The following OAT variants were observed in gnomAD, a reference collection of about 807,000 sequenced individuals.
OAT encodes ornithine aminotransferase, mitochondrial.
OAT carries 35 observed loss-of-function variants against 48.4 expected under a neutral mutation model. The ratio of observed to expected loss-of-function variants is 0.72; its 90% confidence interval spans 0.55 to 0.96. OAT has a LOEUF of 0.96. OAT is among the 40% of genes least tolerant of loss of function. The probability of loss-of-function intolerance (pLI) is 0.00; values close to 1 mark genes in which losing one functional copy is unlikely to be tolerated. For missense variants in OAT, 438 were observed against 537.9 expected (o/e 0.81, Z 1.84); for synonymous variants, 182 against 198.4 (o/e 0.92, Z 0.70).
intron 4 of OAT, among the ~76,000 whole-genome samples, 199 bp downstream of exon 4, chr10:124,408,328 TATATATATATATATA>T (rs1214300810): frequency 2.6e-5 from 2 of 76,994 alleles, no homozygotes; most frequent in African/African-American, 1.3e-4. Flanking sequence ...TATATATATA[TATATATATATATATA>T]TTTTTTTTTT....
At chr10:124,411,642 C>A (rs1183558738) in intron 2 of OAT, among the ~76,000 whole-genome samples, 1 of 151,908 alleles carries the variant, frequency 6.6e-6, no homozygotes, top group Non-Finnish European at 1.5e-5. Flanking sequence ...ATGGTGAAAC[C>A]CCATCTCTAC....
chr10:124,403,827 C>G lies in OAT; in HGVS notation c.742G>C (p.Gly248Arg). 1 of 1,614,126 alleles carries G rather than the reference C, an allele frequency of 6.2e-7. No homozygotes were observed. The highest frequency in any genetic ancestry group is 8.5e-7 in the Non-Finnish European group (1 of 1,180,002). ...VVVPDPGYLMGVRELCTRHQV... is the reference protein window; with the variant it reads ...VVVPDPGYLMRVRELCTRHQV... ...TGCCTGGTGCAGAGCTCTCGCACTC[C>G]CATTAGGTAACCTGGATCCGGAACA... Residue 248 changes from glycine (G) to arginine (R), a missense_variant, in exon 6 of 10, where the codon GGA (glycine) becomes CGA (arginine). Physicochemically the swap from Gly to Arg is moderately radical, Grantham distance 125 (BLOSUM62 -2). Coordinates refer to ENST00000368845, the MANE Select transcript of OAT (RefSeq NM_000274.4).
At chr10:124,408,313 GTGTGTATATATATA>G (rs1458369321) in intron 4 of OAT, among the ~76,000 whole-genome samples, 1 of 60,930 alleles carries the variant, frequency 1.6e-5, no homozygotes, top group African/African-American at 8.3e-5. Flanking sequence ...GTGTGTGTGT[GTGTGTATATATATA>G]TATATATATA....
rs185123140 is a variant in OAT, at chr10:124,401,716, C to G, written c.1014+10G>C. 12 of 1,562,284 alleles carry G rather than the reference C, an allele frequency of 7.7e-6. No individual in the cohort carries two copies. In the East Asian group the frequency reaches 1.8e-4, roughly 23 times the overall value. On this transcript the variant is annotated intron_variant, in intron 8 of 9. Coordinates refer to ENST00000368845, the MANE Select transcript of OAT (RefSeq NM_000274.4). ...AAGAATAGACACTGTGTGGCTGTAT[C>G]AGTCTTTACCTCAAGGGCTGCGATG... is the stretch of plus-strand genomic sequence containing the variant.
At chr10:124,416,472 T>C (rs1453176662) in intron 1 of OAT, among the ~76,000 whole-genome samples, 2 of 152,146 alleles carry the variant, frequency 1.3e-5, no homozygotes, top group Non-Finnish European at 1.5e-5. Flanking sequence ...CCTTCAAAGG[T>C]CAAAATAATG....
intron 9 of OAT, among the ~76,000 whole-genome samples, chr10:124,399,033 A>G (rs1473192581): frequency 6.6e-6 from 1 of 151,864 alleles, no homozygotes; most frequent in Non-Finnish European, 1.5e-5. Flanking sequence ...GCACTGTCTC[A>G]AAAAATAAAA....
intron 9 of OAT, among the ~76,000 whole-genome samples, chr10:124,400,480 G>A (rs977231487): frequency 4.7e-5 from 7 of 149,714 alleles, no homozygotes; most frequent in Non-Finnish European, 8.9e-5. Flanking sequence ...GTGGCCGGGC[G>A]CGGTGGGCTC....
In OAT at chr10:124,408,746, T is replaced by A; in HGVS notation, c.419A>T (p.Asn140Ile). Residue 140 changes from asparagine to isoleucine, a missense_variant, in exon 3 of 10, where the codon AAT becomes ATT. By Grantham distance (149) the Asn-to-Ile change is moderately radical (BLOSUM62 -3). Coordinates refer to ENST00000368845, the MANE Select transcript of OAT (RefSeq NM_000274.4). Reference protein sequence around the residue: ...LFNYHKVLPMNTGVEAGETAC... With the variant: ...LFNYHKVLPMITGVEAGETAC... ...AAAAAAAGGAAATGTTTTACCTGTA[T>A]TCATAGGAAGAACTTTGTGGTAGTT... 1.2e-6 allele frequency: 2 copies of A among 1,602,076 alleles called. No individual in the cohort carries two copies.
At chr10:124,404,548 A>G (rs1260395231) in intron 5 of OAT, among the ~76,000 whole-genome samples, 1 of 151,572 alleles carries the variant, frequency 6.6e-6, no homozygotes, top group Non-Finnish European at 1.5e-5. Context: ...CGGCCTCCCA[A>G]AGTGCTGCGA....
chr10:124,398,011 C>T lies in OAT; in HGVS notation c.1251G>A (p.Pro417=), dbSNP rs570318690. The T allele has an allele frequency of 5.6e-5, 90 of 1,613,874 alleles. No homozygotes were observed. Among genetic ancestry groups the T allele is most frequent in the Non-Finnish European group, 7.3e-5 (86 of 1,179,938 alleles). Residue 417 remains proline, a synonymous_variant, in exon 10 of 10, where the codon CCG becomes CCA. Transcript: ENST00000368845. ...GAAGCTCATCCTCCTTGATCACCAG[C>T]GGAGGCGCAAACCTGATAATGTCGC... is the stretch of plus-strand genomic sequence containing the variant. The part of the protein sequence containing the change: ...THGDIIRFAP[P]LVIKEDELRE...
rs386833617 is a variant in OAT, at chr10:124,403,821, G to T, written c.748C>A (p.Arg250=). 1 of 1,614,056 alleles carries T rather than the reference G, an allele frequency of 6.2e-7. No homozygotes were observed. The highest frequency in any genetic ancestry group is 8.5e-7 in the Non-Finnish European group (1 of 1,179,952). The stretch of plus-strand genomic sequence containing the variant: ...ACCTGGTGCCTGGTGCAGAGCTCTC[G>T]CACTCCCATTAGGTAACCTGGATCC... ...VPDPGYLMGV[R]ELCTRHQVLF... is the part of the protein sequence containing the mutation. The change falls in exon 6 of 10, where the codon CGA becomes AGA. Residue 250 remains arginine (R), a synonymous_variant. Transcript: ENST00000368845.
Position 124,398,077 on chromosome 10 carries a change from T to C in OAT, c.1185A>G (p.Leu395=), listed in dbSNP as rs759555612. Residue 395 remains leucine, a synonymous_variant, in exon 10 of 10, where the codon CTA becomes CTG. Coordinates refer to ENST00000368845, the MANE Select transcript of OAT (RefSeq NM_000274.4). ...TKDWDAWKVC[L]RLRDNGLLAK... ...CCAGAAGTCCATTATCTCGAAGTCG[T>C]AGACACACCTTCCAAGCATCCCAAT... 2 of 1,614,058 alleles carry C rather than the reference T, an allele frequency of 1.2e-6. No individual in the cohort carries two copies. Among genetic ancestry groups the C allele is most frequent in the Admixed American group, 1.7e-5 (1 of 60,016 alleles).
chr10:124,415,074 TAAAAAAAAAAAAA>T (rs75952005), intron 1 of OAT: 10 of 16,854 alleles, frequency 5.9e-4, no homozygotes, highest in East Asian at 1.9e-3. Context: ...TACAAAGCGC[TAAAAAAAAAAAAA>T]AAAAAAAAAA....
In OAT at chr10:124,405,501, C is replaced by G; in HGVS notation, c.583G>C (p.Asp195His). 6.2e-7 allele frequency: 1 copy of G among 1,614,128 alleles called. No individual in the cohort carries two copies. The highest frequency in any genetic ancestry group is 1.1e-5 in the South Asian group (1 of 91,088). Residue 195 changes from aspartate (D) to histidine (H), a missense_variant, in exon 5 of 10, where the codon GAT becomes CAT. Transcript: ENST00000368845. Reference protein sequence around the residue: ...ISSSTDPTSYDGFGPFMPGFD... With the variant: ...ISSSTDPTSYHGFGPFMPGFD... ...CCCGGCATAAATGGTCCAAAACCAT[C>G]GTAACTGGTTGGGTCTGTGGAACTG... is the stretch of plus-strand genomic sequence containing the variant.
At chr10:124,405,671 C>T in intron 4 of OAT, 108 bp from the exon 5 acceptor site, 1 of 1,553,484 alleles carries the variant, frequency 6.4e-7, no homozygotes. Flanking sequence ...AAATCAAGGG[C>T]TTGCTTTAGT....
Position 124,408,335 on chromosome 10 carries a change from ATATATATATT to A in OAT, c.520+197_520+206del, listed in dbSNP as rs1471933781. ...TGTGTGTGTATATATATATATATAT[ATATATATATT>A]TTTTTTTTTTTTTTTTAAATAGAGA... On this transcript the variant is annotated intron_variant, in intron 4 of 9. Transcript: ENST00000368845. 1.1e-3 allele frequency among the ~76,000 whole-genome samples: 110 copies of A among 102,754 alleles called. No individual in the cohort carries two copies. The East Asian group carries it at 0.012, about 12-fold the overall frequency. The allele number at this position is 102,754 out of a possible 152,430, so 67.4% of individuals were successfully genotyped here. A position where few individuals can be genotyped will look rare whatever the true frequency, so the allele number is the denominator to read the frequency against.
intron 1 of OAT, among the ~76,000 whole-genome samples, chr10:124,415,590 G>A (rs1221542817): frequency 2.0e-5 from 3 of 152,202 alleles, no homozygotes; most frequent in Admixed American, 6.5e-5. Flanking sequence ...AAATCTTAGA[G>A]CAGAATTAAG....
chr10:124,417,725 G>A (rs1406034011), intron 1 of OAT, among the ~76,000 whole-genome samples: 1 of 152,138 alleles, frequency 6.6e-6, no homozygotes, highest in South Asian at 2.1e-4. Flanking sequence ...GAACAGTTCC[G>A]GGGTTAACTG....
chr10:124,403,074 AC>A lies in OAT; in HGVS notation c.772-20del. 6.2e-7 allele frequency: 1 copy of A among 1,613,282 alleles called. No homozygotes were observed. The highest frequency in any genetic ancestry group is 8.5e-7 in the Non-Finnish European group (1 of 1,179,836). On this transcript the variant is annotated intron_variant, in intron 6 of 9. Coordinates refer to ENST00000368845, the MANE Select transcript of OAT (RefSeq NM_000274.4). The stretch of plus-strand genomic sequence containing the variant: ...AGAGAACCTATTGGGGAAAAAAAAT[AC>A]CCCTATTAGTGATCACTTTCGTTTC...
Sources: gnomAD v4.1 joint callset for allele counts (sites outside exome capture counted in the v4.1 genomes callset) on GRCh38, gnomAD v4.1.1 for gene constraint, MANE v1.5 for transcripts, NCBI Gene and HGNC (gene_info 2026-07-23, HGNC 2026-07-21) for gene names.